TFPI: variants seen among roughly 807,000 people sequenced by gnomAD.
The protein encoded by TFPI is tissue factor pathway inhibitor, also known as anti-convertin.
A neutral mutation model predicts 34.6 loss-of-function variants in TFPI; 15 were observed. The observed-to-expected ratio is 0.43, with a 90% CI of 0.29 to 0.67. The LOEUF (loss-of-function observed/expected upper bound fraction) is 0.67. Among genes scored for constraint, TFPI ranks in the 30% least tolerant of loss-of-function variants. TFPI has a pLI of 0.15. For missense variants in TFPI, 301 were observed against 364.0 expected, an observed-to-expected ratio of 0.83 and a Z score of 1.41; for synonymous variants, 105 against 120.1, an observed-to-expected ratio of 0.87 and a Z score of 0.82.
At chr2:187,518,544 CA>C (rs1329695853) in intron 1 of TFPI, 1 of 152,160 alleles carries the variant, frequency 6.6e-6, no homozygotes, top group African/African-American at 2.4e-5. Context: ...GTGGGTAACC[CA>C]ACCTTTCCCT....
intron 1 of TFPI, among the ~76,000 whole-genome samples, chr2:187,545,351 CTATT>C (rs1559160826): frequency 6.6e-6 from 1 of 152,072 alleles, no homozygotes; most frequent in Non-Finnish European, 1.5e-5. Context: ...CATATGCAAA[CTATT>C]TATTTAAATA....
At chr2:187,524,724 T>G (rs1415764619) in intron 1 of TFPI, among the ~76,000 whole-genome samples, 3 of 152,130 alleles carry the variant, frequency 2.0e-5, no homozygotes, top group Non-Finnish European at 2.9e-5. Flanking sequence ...TGTCTTGTAT[T>G]GCTTTTCATT....
intron 6 of TFPI, among the ~76,000 whole-genome samples, chr2:187,472,814 C>T (rs1285057016): frequency 2.0e-5 from 3 of 151,998 alleles, no homozygotes; most frequent in African/African-American, 7.2e-5. Context: ...GAGTTTGAGA[C>T]CAGCCTGACC....
rs774463406 is a variant in TFPI at position 187,487,798 on chromosome 2, CTACT to C, written c.358+535_358+538del. Among the ~76,000 whole-genome samples, 76 of 151,374 alleles carry C rather than the reference CTACT, an allele frequency of 5.0e-4. 1 individual carries two copies. Among genetic ancestry groups the C allele is most frequent in the Non-Finnish European group, 1.6e-4 (11 of 67,488 alleles). On this transcript the variant is annotated intron_variant, in intron 4 of 7. Coordinates refer to ENST00000233156, the MANE Select transcript of TFPI (RefSeq NM_006287.6). ...GCTAGATATTTATTTTTAAATATCTCTACTTACTTTTGCATGTATAACTGCTGAC... is the reference window on the plus strand; with the variant it reads ...GCTAGATATTTATTTTTAAATATCTCTACTTTTGCATGTATAACTGCTGAC...
At chr2:187,489,061 C>T (rs8176499) in intron 3 of TFPI, among the ~76,000 whole-genome samples, 1,620 of 151,360 alleles carry the variant, frequency 0.011, 23 homozygotes, top group African/African-American at 0.037. Flanking sequence ...TTAATTTGCT[C>T]GCATAGACAT....
chr2:187,491,796 G>T (rs8176486), intron 3 of TFPI, among the ~76,000 whole-genome samples: 2,941 of 152,118 alleles, frequency 0.019, 91 homozygotes, highest in African/African-American at 0.066. Flanking sequence ...TTCCATACAG[G>T]TTATACTAAT....
At chr2:187,498,999 A>G (rs1284129572) in intron 2 of TFPI, among the ~76,000 whole-genome samples, 5 of 152,042 alleles carry the variant, frequency 3.3e-5, no homozygotes, top group Admixed American at 3.3e-4. Context: ...TGATTTTTAA[A>G]ATAATTTTAA....
intron 1 of TFPI, among the ~76,000 whole-genome samples, chr2:187,511,705 C>T (rs373456885): frequency 1.3e-5 from 2 of 152,188 alleles, no homozygotes; most frequent in East Asian, 3.9e-4. Context: ...TAAGCCAGGG[C>T]ACGCAAACCA....
At chr2:187,538,843 A>T (rs1364851858) in intron 1 of TFPI, among the ~76,000 whole-genome samples, 1 of 152,148 alleles carries the variant, frequency 6.6e-6, no homozygotes, top group African/African-American at 2.4e-5. Context: ...ATTTTTGGGC[A>T]ATATCTATTT....
At position 187,497,359 on chromosome 2, in the gene TFPI, G is replaced by A. The variant is rs1685555405; in HGVS notation, c.122-281C>T. Among the ~76,000 whole-genome samples the A allele has an allele frequency of 2.0e-5, 3 of 151,996 alleles. No individual in the cohort carries two copies. In the South Asian group the frequency reaches 6.2e-4, roughly 31 times the overall value. ...GTTGTAAGGCAACTTCATTCAAGTG[G>A]ATGTGTCCACAATAGACCTCTTTTA... On this transcript the variant is annotated intron_variant, in intron 2 of 7. Coordinates refer to ENST00000233156, the MANE Select transcript of TFPI (RefSeq NM_006287.6).
chr2:187,532,537 T>C (rs1048386063), intron 1 of TFPI, among the ~76,000 whole-genome samples: 1 of 152,208 alleles, frequency 6.6e-6, no homozygotes, highest in Non-Finnish European at 1.5e-5. Flanking sequence ...TGAAGAACAG[T>C]GCATTCTGGC....
intron 2 of TFPI, among the ~76,000 whole-genome samples, chr2:187,503,053 T>C (rs945483095): frequency 2.6e-5 from 4 of 152,088 alleles, no homozygotes; most frequent in Admixed American, 2.0e-4. Context: ...ATATCCACAA[T>C]AACCATCACC....
chr2:187,481,540 A>C (rs1692853807), intron 6 of TFPI, among the ~76,000 whole-genome samples: 1 of 151,812 alleles, frequency 6.6e-6, no homozygotes, highest in Admixed American at 6.6e-5. Flanking sequence ...TTTAAGAAGA[A>C]TGGCAACATA....
At chr2:187,515,079 C>T (rs1194465020) in intron 1 of TFPI, 1 of 152,182 alleles carries the variant, frequency 6.6e-6, no homozygotes, top group Non-Finnish European at 1.5e-5. Context: ...TGACCCAGAC[C>T]ATGGGGCCCT....
chr2:187,467,817 A>G lies in TFPI; in HGVS notation c.744T>C (p.Ser248=). 6.2e-7 allele frequency: 1 copy of G among 1,612,334 alleles called. No homozygotes were observed. Among genetic ancestry groups the G allele is most frequent in the Non-Finnish European group, 8.5e-7 (1 of 1,179,226 alleles). The change falls in exon 7 of 8, where the codon AGT becomes AGC. Residue 248 remains serine, a synonymous_variant. Transcript: ENST00000233156. ...VIGKCRPFKY[S]GCGGNENNFT... ...AATTGTTTTCATTTCCCCCACATCC[A>G]CTGTACTTAAATGGGCGGCATTTCC...
intron 3 of TFPI, among the ~76,000 whole-genome samples, chr2:187,496,090 A>G (rs1345900842): frequency 2.6e-5 from 4 of 152,134 alleles, no homozygotes; most frequent in Non-Finnish European, 5.9e-5. Flanking sequence ...ATATAATATG[A>G]CGTACTTTTG....
intron 3 of TFPI, among the ~76,000 whole-genome samples, chr2:187,492,012 C>T (rs1306954872): frequency 6.6e-6 from 1 of 151,962 alleles, no homozygotes; most frequent in African/African-American, 2.4e-5. Context: ...TTGAAAAATA[C>T]CTTTTCATGT....
At chr2:187,525,894 A>G (rs563462561) in intron 1 of TFPI, among the ~76,000 whole-genome samples, 2 of 152,238 alleles carry the variant, frequency 1.3e-5, no homozygotes, top group East Asian at 1.9e-4. Flanking sequence ...AAAACAGACT[A>G]TAAAGCTTCA....
At chr2:187,548,357 GCACTTTTTGA>G (rs1017124212) in intron 1 of TFPI, among the ~76,000 whole-genome samples, 1 of 151,960 alleles carries the variant, frequency 6.6e-6, no homozygotes, top group African/African-American at 2.4e-5. Flanking sequence ...TCATTGATTG[GCACTTTTTGA>G]TTCTAGTTTT....
Sources: gnomAD v4.1 joint callset for allele counts (sites outside exome capture counted in the v4.1 genomes callset) on GRCh38, gnomAD v4.1.1 for gene constraint, MANE v1.5 for transcripts, NCBI Gene and HGNC (gene_info 2026-07-23, HGNC 2026-07-21) for gene names.